The following FAAH2 variants were observed in gnomAD, a reference collection of about 807,000 sequenced individuals.
FAAH2 encodes the protein fatty acid amide hydrolase 2.
Under a neutral mutation model 36.9 loss-of-function variants are expected in FAAH2, and 60 were observed. The ratio of observed to expected loss-of-function variants is 1.63; its 90% CI spans 1.32 to 2.02. The LOEUF is 2.02. FAAH2 is among the 30% of genes most tolerant of loss of function. The pLI, the probability that FAAH2 is intolerant of heterozygous loss-of-function variation, is 0.00. For synonymous variants in FAAH2, 214 were observed against 143.8 expected, an observed-to-expected ratio of 1.49 and a Z score of -3.49; for missense variants, 689 against 397.5, an observed-to-expected ratio of 1.73 and a Z score of -6.23.
chrX:57,343,117 T>C (rs902525968), intron 5 of FAAH2, among the ~76,000 whole-genome samples: 2 of 111,938 alleles, frequency 1.8e-5, no homozygotes, highest in Admixed American at 1.9e-4. Context: ...GTAGAACAAA[T>C]AATTTTCCTT....
At chrX:57,393,024 G>A (rs1183706882) in intron 7 of FAAH2, 2 of 889,755 alleles carry the variant, frequency 2.2e-6, no homozygotes, top group African/African-American at 2.0e-5. Context: ...GCTGCTGGGT[G>A]CTTGTCCTGC....
chrX:57,177,534 G>A, the FAAH2 span, among the ~76,000 whole-genome samples: 1 of 94,433 alleles, frequency 1.1e-5, no homozygotes, highest in African/African-American at 3.8e-5. Context: ...CGGTTCGGGA[G>A]CAACAAATCT....
At chrX:57,382,445 G>A (rs1257270882) in intron 7 of FAAH2, among the ~76,000 whole-genome samples, 2 of 111,046 alleles carry the variant, frequency 1.8e-5, no homozygotes. Context: ...TAATAAAGAA[G>A]GAAAGAGAGA....
At chrX:57,428,499 A>G (rs1309862087) in intron 7 of FAAH2, among the ~76,000 whole-genome samples, 1 of 112,017 alleles carries the variant, frequency 8.9e-6, no homozygotes, top group African/African-American at 3.2e-5. Flanking sequence ...TTATATTACA[A>G]AGCCATAGAA....
intron 10 of FAAH2, among the ~76,000 whole-genome samples, chrX:57,474,352 C>G (rs184010752): frequency 9.0e-6 from 1 of 110,955 alleles, no homozygotes; most frequent in Admixed American, 9.7e-5. Context: ...AATGCTCTCC[C>G]TCCCCTTGTC....
At chrX:57,153,402 A>G in the FAAH2 span, among the ~76,000 whole-genome samples, 1 of 111,878 alleles carries the variant, frequency 8.9e-6, no homozygotes, top group East Asian at 2.8e-4. Context: ...TATTCCATTC[A>G]TTGTATTATT....
At chrX:57,333,327 C>T (rs191279690) in intron 4 of FAAH2, among the ~76,000 whole-genome samples, 160 of 111,659 alleles carry the variant, frequency 1.4e-3, no homozygotes, top group Non-Finnish European at 2.3e-3. Context: ...CAAATACCCC[C>T]AGTTCTTTTA....
chrX:57,186,286 A>G, the FAAH2 span, among the ~76,000 whole-genome samples: 1 of 111,698 alleles, frequency 9.0e-6, no homozygotes, highest in African/African-American at 3.3e-5. Context: ...ATGGTATTTC[A>G]TTGTGGTTTT....
chrX:57,337,670 T>A (rs1222785317), intron 4 of FAAH2, among the ~76,000 whole-genome samples: 3 of 112,238 alleles, frequency 2.7e-5, no homozygotes, highest in Non-Finnish European at 5.6e-5. Context: ...ATTATTTCAA[T>A]AGATGCAGAA....
chrX:57,275,347 G>T, the FAAH2 span, among the ~76,000 whole-genome samples: 1 of 112,448 alleles, frequency 8.9e-6, no homozygotes, highest in African/African-American at 3.2e-5. Context: ...AAGGTGGAAA[G>T]GCCTGAGCCA....
chrX:57,169,869 AACACACACAC>A, the FAAH2 span, among the ~76,000 whole-genome samples: 3 of 101,678 alleles, frequency 3.0e-5, no homozygotes, highest in Non-Finnish European at 6.1e-5. Context: ...TCTCCTTCTA[AACACACACAC>A]ACACACACAC....
At chrX:57,381,481 A>T in intron 7 of FAAH2, 5 of 590,753 alleles carry the variant, frequency 8.5e-6, no homozygotes, top group Non-Finnish European at 1.0e-5. Flanking sequence ...GAAGAATAAT[A>T]AGGGGAACAG....
the FAAH2 span, among the ~76,000 whole-genome samples, chrX:57,150,204 T>A: frequency 3.6e-5 from 4 of 111,909 alleles, no homozygotes; most frequent in East Asian, 1.1e-3. Context: ...TTGGAACAGG[T>A]GTGATGTGGT....
the FAAH2 span, among the ~76,000 whole-genome samples, chrX:57,151,639 G>A: frequency 9.0e-6 from 1 of 111,132 alleles, no homozygotes; most frequent in South Asian, 3.9e-4. Flanking sequence ...CTCTGCATTG[G>A]TGATTCTAGG....
intron 2 of FAAH2, among the ~76,000 whole-genome samples, chrX:57,308,643 A>G (rs1256322090): frequency 8.9e-6 from 1 of 111,822 alleles, no homozygotes; most frequent in Non-Finnish European, 1.9e-5. Flanking sequence ...AGTACTGCCC[A>G]ATACCTGAAA....
At chrX:57,125,907 A>G in the FAAH2 span, among the ~76,000 whole-genome samples, 23 of 112,122 alleles carry the variant, frequency 2.1e-4, no homozygotes, top group Non-Finnish European at 1.7e-4. Context: ...ATGACTTCAA[A>G]CTACAAAACA....
At chrX:57,426,329 A>G (rs1569337099) in intron 7 of FAAH2, among the ~76,000 whole-genome samples, 1 of 112,107 alleles carries the variant, frequency 8.9e-6, no homozygotes, top group Non-Finnish European at 1.9e-5. Context: ...TCAACACTCC[A>G]GTGACAGCAC....
the FAAH2 span, among the ~76,000 whole-genome samples, chrX:57,222,540 A>G: frequency 2.7e-5 from 3 of 111,785 alleles, no homozygotes; most frequent in Non-Finnish European, 5.6e-5. Flanking sequence ...CTCACCCTTG[A>G]AAGCCTAAAA....
chrX:57,451,174 C>A (rs1385376589), intron 10 of FAAH2, among the ~76,000 whole-genome samples: 1 of 111,434 alleles, frequency 9.0e-6, no homozygotes, highest in African/African-American at 3.3e-5. Flanking sequence ...TTATTTATTA[C>A]ACAGAAGAGG....
Sources: gnomAD v4.1 joint callset for allele counts (sites outside exome capture counted in the v4.1 genomes callset) on GRCh38, gnomAD v4.1.1 for gene constraint, MANE v1.5 for transcripts, NCBI Gene and HGNC (gene_info 2026-07-23, HGNC 2026-07-21) for gene names.